RELN: variants seen among roughly 807,000 people sequenced by gnomAD.
RELN encodes reelin.
RELN carries 108 observed loss-of-function variants against 427.6 expected under a neutral mutation model. The observed-to-expected ratio is 0.25, with a 90% confidence interval of 0.22 to 0.30. The LOEUF (loss-of-function observed/expected upper bound fraction) is 0.30. Among genes scored for constraint, RELN ranks in the 10% least tolerant of loss-of-function variants. The probability of loss-of-function intolerance (pLI) is 1.00; values close to 1 mark genes in which losing one functional copy is unlikely to be tolerated. For synonymous variants in RELN, 1,524 were observed against 1,513.4 expected (o/e 1.01, Z -0.16); for missense variants, 3,715 against 4,302.8 (o/e 0.86, Z 3.82).
intron 2 of RELN, among the ~76,000 whole-genome samples, chr7:103,844,249 G>T (rs1211416139): frequency 1.3e-5 from 2 of 152,222 alleles, no homozygotes; most frequent in African/African-American, 2.4e-5. Context: ...GGTCCTAAAA[G>T]CTACCTCCAA....
At position 103,603,546 on chromosome 7, in the gene RELN, G is replaced by A. The variant is rs1831731053; in HGVS notation, c.3147-56C>T. On this transcript the variant is annotated intron_variant, in intron 23 of 64. Transcript: ENST00000428762. This position sits in a 1 kb window ranked among gnomAD's most constrained non-coding sequence, Gnocchi z 4.3. Reference sequence around the variant, plus strand: ...TACAGGCCCACCTGCCAATGCAATGGCCCTCTGACCTCAACCATTTCCCAT... The same window carrying A: ...TACAGGCCCACCTGCCAATGCAATGACCCTCTGACCTCAACCATTTCCCAT... 2 of 1,307,600 alleles carry A rather than the reference G, an allele frequency of 1.5e-6. No individual in the cohort carries two copies. Among genetic ancestry groups the A allele is most frequent in the Non-Finnish European group, 2.2e-6 (2 of 901,272 alleles). 81.0% of individuals were successfully genotyped at this position (1,307,600 alleles called of 1,614,324 possible). A position where few individuals can be genotyped will look rare whatever the true frequency, so the allele number is the denominator to read the frequency against.
chr7:103,909,769 TAATATATATA>T (rs1795314323), intron 2 of RELN, among the ~76,000 whole-genome samples: 2 of 86,926 alleles, frequency 2.3e-5, no homozygotes, highest in Non-Finnish European at 1.9e-5. Flanking sequence ...TATATATATT[TAATATATATA>T]AATATATATA....
At chr7:103,686,883 A>G (rs1833775906) in intron 10 of RELN, among the ~76,000 whole-genome samples, 1 of 152,170 alleles carries the variant, frequency 6.6e-6, no homozygotes, top group Admixed American at 6.5e-5. Flanking sequence ...CATTTTCCAC[A>G]CATTCAATTT....
intron 60 of RELN, among the ~76,000 whole-genome samples, chr7:103,487,729 T>C (rs1828495011): frequency 1.3e-5 from 2 of 152,348 alleles, no homozygotes; most frequent in Non-Finnish European, 1.5e-5. Flanking sequence ...ATTTCTTTTT[T>C]CCTAGCATGA....
intron 2 of RELN, among the ~76,000 whole-genome samples, chr7:103,843,824 T>A (rs1231151270): frequency 1.3e-5 from 2 of 152,188 alleles, no homozygotes; most frequent in African/African-American, 4.8e-5. Flanking sequence ...CTGTGCAGAC[T>A]CTGCCCTGCC....
intron 41 of RELN, among the ~76,000 whole-genome samples, chr7:103,545,738 T>A (rs1306900639): frequency 6.6e-6 from 1 of 151,668 alleles, no homozygotes; most frequent in Non-Finnish European, 1.5e-5. Context: ...ATCTCCCGGG[T>A]TCAAGCGATT....
intron 3 of RELN, among the ~76,000 whole-genome samples, chr7:103,796,356 T>C (rs1792297871): frequency 6.6e-6 from 1 of 152,214 alleles, no homozygotes; most frequent in Non-Finnish European, 1.5e-5. Flanking sequence ...AATTAATGTT[T>C]GCCTAATTCA....
chr7:103,588,851 A>G (rs2382875), intron 28 of RELN, among the ~76,000 whole-genome samples: 11 of 151,336 alleles, frequency 7.3e-5, no homozygotes, highest in African/African-American at 2.4e-5. Flanking sequence ...GGACTTCTGC[A>G]CTTCCCACAC....
At chr7:103,729,326 C>T (rs971816546) in intron 6 of RELN, among the ~76,000 whole-genome samples, 19 of 152,114 alleles carry the variant, frequency 1.2e-4, no homozygotes, top group Non-Finnish European at 2.6e-4. Flanking sequence ...GAACACCCAT[C>T]CAAATAGGAA....
Position 103,515,197 on chromosome 7 carries a change from C to G in RELN, c.8107G>C (p.Asp2703His). Residue 2703 changes from aspartate (D) to histidine (H), a missense_variant, in exon 50 of 65, where the codon GAC becomes CAC. Around this residue, in one of 4 missense-constraint regions of RELN, gnomAD observed 1,310 missense variants for 1,643.0 expected, o/e 0.80. Coordinates refer to ENST00000428762, the MANE Select transcript of RELN (RefSeq NM_005045.4). Reference protein sequence around the residue: ...GRIAFDMFMEDKTSVNEHWLF... With the variant: ...GRIAFDMFMEHKTSVNEHWLF... Reference sequence around the variant, plus strand: ...GTGCATAATTTACCTGAAGTTTTGTCTTCCATAAACATGTCAAAGGCGATC... The same window carrying G: ...GTGCATAATTTACCTGAAGTTTTGTGTTCCATAAACATGTCAAAGGCGATC... 6.2e-7 allele frequency: 1 copy of G among 1,614,200 alleles called. No individual in the cohort carries two copies. The highest frequency in any genetic ancestry group is 8.5e-7 in the Non-Finnish European group (1 of 1,180,030).
At chr7:103,609,673 T>C (rs1831902858) in intron 22 of RELN, among the ~76,000 whole-genome samples, 1 of 152,194 alleles carries the variant, frequency 6.6e-6, no homozygotes, top group South Asian at 2.1e-4. Context: ...AGGAATTCAA[T>C]CTTCAACTAA....
chr7:103,748,391 G>A (rs1214112819), intron 6 of RELN, among the ~76,000 whole-genome samples: 1 of 151,964 alleles, frequency 6.6e-6, no homozygotes, highest in Non-Finnish European at 1.5e-5. Flanking sequence ...CACTCTATAT[G>A]TCATCTTCAA....
chr7:103,561,414 C>G (rs1171708611), intron 36 of RELN, 118 bp downstream of exon 36: 1 of 884,836 alleles, frequency 1.1e-6, no homozygotes, highest in Non-Finnish European at 1.9e-6. Flanking sequence ...AAGTCAATAA[C>G]TATGTATTAA....
At chr7:103,660,367 T>C (rs1318255455) in intron 12 of RELN, among the ~76,000 whole-genome samples, 1 of 152,118 alleles carries the variant, frequency 6.6e-6, no homozygotes, top group African/African-American at 2.4e-5. Flanking sequence ...GAAGGTGAGG[T>C]TGTCCTTAAA....
chr7:103,948,043 G>A (rs899042230), intron 1 of RELN, among the ~76,000 whole-genome samples: 6 of 151,988 alleles, frequency 3.9e-5, no homozygotes, highest in East Asian at 1.9e-4. Context: ...CATTACTTTT[G>A]TTTCAGTAAT....
chr7:103,939,250 T>C (rs900819495), intron 1 of RELN, among the ~76,000 whole-genome samples: 1 of 152,066 alleles, frequency 6.6e-6, no homozygotes, highest in Non-Finnish European at 1.5e-5. Context: ...TGCCCAGCCA[T>C]ACAGTTTTAT....
chr7:103,597,225 C>A (rs1831558359), intron 24 of RELN, among the ~76,000 whole-genome samples: 2 of 152,188 alleles, frequency 1.3e-5, no homozygotes, highest in Admixed American at 1.3e-4. Flanking sequence ...GAGGGAACAT[C>A]CTCTCCAGAG....
At chr7:103,723,617 C>A (rs144618231) in intron 7 of RELN, among the ~76,000 whole-genome samples, 2 of 152,164 alleles carry the variant, frequency 1.3e-5, no homozygotes, top group East Asian at 3.9e-4. Context: ...AAACTAAGAA[C>A]AAATGAGTAG....
intron 4 of RELN, among the ~76,000 whole-genome samples, chr7:103,772,136 G>C (rs1233822492): frequency 6.6e-6 from 1 of 152,050 alleles, no homozygotes; most frequent in African/African-American, 2.4e-5. Flanking sequence ...TAGTTTAATT[G>C]TTTGCTTATT....
Sources: gnomAD v4.1 joint callset for allele counts (sites outside exome capture counted in the v4.1 genomes callset) on GRCh38, gnomAD v4.1.1 for gene constraint, gnomAD v4.1.1 regional missense constraint, Gnocchi (gnomAD v3.1) non-coding constraint, MANE v1.5 for transcripts, NCBI Gene and HGNC (gene_info 2026-07-23, HGNC 2026-07-21) for gene names.